The following TSPAN18 variants were observed in gnomAD, a reference collection of about 807,000 sequenced individuals.
TSPAN18 encodes the protein tetraspanin 18.
Under a neutral mutation model 27.3 loss-of-function variants are expected in TSPAN18, and 14 were observed. The observed-to-expected ratio is 0.51, with a 90% CI of 0.34 to 0.80. TSPAN18 has a LOEUF of 0.80. TSPAN18 is among the 30% of genes least tolerant of loss of function. The pLI is 0.01. For missense variants in TSPAN18, 268 were observed against 323.9 expected (o/e 0.83, Z 1.32); for synonymous variants, 143 against 136.5 (o/e 1.05, Z -0.33).
chr11:44,819,106 C>G (rs1856873438), intron 2 of TSPAN18, among the ~76,000 whole-genome samples: 1 of 152,180 alleles, frequency 6.6e-6, no homozygotes, highest in Non-Finnish European at 1.5e-5. Flanking sequence ...GGAGCTGGAT[C>G]TGGGGAAGGA....
intron 2 of TSPAN18, among the ~76,000 whole-genome samples, chr11:44,796,474 C>T (rs958801255): frequency 2.7e-4 from 41 of 152,120 alleles, no homozygotes; most frequent in Admixed American, 2.6e-4. Flanking sequence ...AGCTCAGGGT[C>T]GGTCATGGGG....
intron 9 of TSPAN18, among the ~76,000 whole-genome samples, chr11:44,928,460 A>G (rs1430670390): frequency 6.6e-6 from 1 of 152,166 alleles, no homozygotes; most frequent in East Asian, 1.9e-4. Flanking sequence ...CTGTGACCTC[A>G]GGTAGGTTAC....
intron 1 of TSPAN18, among the ~76,000 whole-genome samples, chr11:44,739,660 G>A (rs529107640): frequency 3.1e-4 from 47 of 152,320 alleles, no homozygotes; most frequent in African/African-American, 1.1e-3. Flanking sequence ...TGTCTTCCTG[G>A]TGAAAGACTT....
At chr11:44,773,206 C>T (rs1331906065) in intron 2 of TSPAN18, among the ~76,000 whole-genome samples, 1 of 151,936 alleles carries the variant, frequency 6.6e-6, no homozygotes, top group East Asian at 2.0e-4. Flanking sequence ...CACTTGAAGT[C>T]GGGAGTTCGA....
chr11:44,923,642 G>A (rs1332488116), intron 8 of TSPAN18, among the ~76,000 whole-genome samples: 3 of 152,152 alleles, frequency 2.0e-5, no homozygotes, highest in Non-Finnish European at 4.4e-5. Flanking sequence ...TCCCTTCCTC[G>A]TGTGTGATCT....
intron 3 of TSPAN18, among the ~76,000 whole-genome samples, chr11:44,879,316 G>A (rs1245212772): frequency 2.0e-5 from 3 of 151,970 alleles, no homozygotes; most frequent in Admixed American, 2.0e-4. Context: ...TCAGTATACT[G>A]GGTGCTGTGA....
At chr11:44,793,324 C>A (rs548389830) in intron 2 of TSPAN18, among the ~76,000 whole-genome samples, 1 of 152,264 alleles carries the variant, frequency 6.6e-6, no homozygotes, top group South Asian at 2.1e-4. Flanking sequence ...AGAGCCACTC[C>A]AGGGACTCAA....
intron 2 of TSPAN18, among the ~76,000 whole-genome samples, chr11:44,851,620 C>T (rs1005806975): frequency 1.4e-5 from 2 of 148,006 alleles, no homozygotes; most frequent in Admixed American, 1.3e-4. Flanking sequence ...TCACCTCCCC[C>T]CCCCAACGGC....
At chr11:44,748,427 C>G (rs1009567668) in intron 1 of TSPAN18, among the ~76,000 whole-genome samples, 2 of 151,762 alleles carry the variant, frequency 1.3e-5, no homozygotes. Context: ...GAGACCATCA[C>G]TTTCTTCCAC....
Position 44,918,025 on chromosome 11 carries a change from GGCCTTCAT to G in TSPAN18, c.313_320del (p.Ala105LeufsTer22). The G allele has an allele frequency of 6.2e-7, 1 of 1,614,062 alleles. No individual in the cohort carries two copies. Among genetic ancestry groups the G allele is most frequent in the Non-Finnish European group, 8.5e-7 (1 of 1,180,022 alleles). ...TGGCAGAGCTCTCAGCAGCCATCCT[GGCCTTCAT>G]CTTCAGGGAAAATGTACGTATCAGG... On this transcript the variant is annotated frameshift_variant, in exon 6 of 10. Transcript: ENST00000520358. LOFTEE classifies it high-confidence loss of function.
intron 2 of TSPAN18, among the ~76,000 whole-genome samples, chr11:44,775,293 G>A (rs751705): frequency 0.43 from 65,907 of 152,016 alleles, 15,602 homozygotes; most frequent in Non-Finnish European, 0.52. Context: ...CACTTCACTG[G>A]GCATCCTGTA....
At chr11:44,853,291 T>C (rs1005850924) in intron 2 of TSPAN18, among the ~76,000 whole-genome samples, 1 of 151,704 alleles carries the variant, frequency 6.6e-6, no homozygotes, top group Non-Finnish European at 1.5e-5. Context: ...GTAGAGTCCA[T>C]GGAGTGGGTG....
chr11:44,754,739 AGCTGT>A (rs1855292856), intron 1 of TSPAN18, among the ~76,000 whole-genome samples: 1 of 152,170 alleles, frequency 6.6e-6, no homozygotes, highest in African/African-American at 2.4e-5. Context: ...GACTCCTCTG[AGCTGT>A]GCGGTGTAGG....
intron 2 of TSPAN18, among the ~76,000 whole-genome samples, chr11:44,822,468 A>G (rs777259831): frequency 7.2e-5 from 11 of 151,968 alleles, no homozygotes; most frequent in Admixed American, 5.2e-4. Flanking sequence ...TCATTATGGA[A>G]GAAGGAAGGA....
intron 2 of TSPAN18, among the ~76,000 whole-genome samples, chr11:44,770,628 A>G (rs976112127): frequency 6.6e-6 from 1 of 152,208 alleles, no homozygotes; most frequent in Non-Finnish European, 1.5e-5. Flanking sequence ...TAAGCAAGAA[A>G]GAGACAAGAT....
chr11:44,803,020 T>C (rs1463717906), intron 2 of TSPAN18, among the ~76,000 whole-genome samples: 2 of 152,112 alleles, frequency 1.3e-5, no homozygotes, highest in Non-Finnish European at 2.9e-5. Context: ...TACCCATTGA[T>C]TGAGGGCCTG....
chr11:44,751,051 A>G (rs1855199097), intron 1 of TSPAN18, among the ~76,000 whole-genome samples: 1 of 152,154 alleles, frequency 6.6e-6, no homozygotes, highest in Non-Finnish European at 1.5e-5. Flanking sequence ...TAATTAGAGG[A>G]TGACTTTTAG....
chr11:44,896,645 C>A (rs1319257117), intron 3 of TSPAN18, among the ~76,000 whole-genome samples: 1 of 152,148 alleles, frequency 6.6e-6, no homozygotes, highest in Admixed American at 6.5e-5. Flanking sequence ...CCTCTGCACT[C>A]CCCCAAGACT....
chr11:44,914,560 G>A (rs986300649), intron 5 of TSPAN18, among the ~76,000 whole-genome samples: 1 of 152,204 alleles, frequency 6.6e-6, no homozygotes, highest in Non-Finnish European at 1.5e-5. Flanking sequence ...GGCTTTGCAG[G>A]CCATGTAGAA....
Sources: allele counts gnomAD v4.1 joint callset (sites outside exome capture counted in the v4.1 genomes callset), GRCh38; gene constraint gnomAD v4.1.1; transcripts MANE v1.5; gene names NCBI Gene and HGNC (gene_info 2026-07-23, HGNC 2026-07-21).